ST6GALNAC5: variants seen among roughly 807,000 people sequenced by gnomAD.
ST6GALNAC5 encodes the protein alpha-N-acetylgalactosaminide alpha-2,6-sialyltransferase 5.
Under a neutral mutation model 33.6 loss-of-function variants are expected in ST6GALNAC5, and 27 were observed. The ratio of observed to expected loss-of-function variants is 0.80; its 90% CI spans 0.59 to 1.11. The LOEUF (loss-of-function observed/expected upper bound fraction) is 1.11, where lower values mean the gene tolerates loss of function less well. ST6GALNAC5 is among the 50% of genes least tolerant of loss of function. The pLI, the probability that ST6GALNAC5 is intolerant of heterozygous loss-of-function variation, is 0.00. For synonymous variants in ST6GALNAC5, 194 were observed against 171.2 expected, an observed-to-expected ratio of 1.13 and a Z score of -1.04; for missense variants, 428 against 454.0, an observed-to-expected ratio of 0.94 and a Z score of 0.52.
intron 2 of ST6GALNAC5, among the ~76,000 whole-genome samples, chr1:77,020,995 G>T (rs540494910): frequency 1.3e-4 from 20 of 152,302 alleles, no homozygotes; most frequent in Non-Finnish European, 2.6e-4. Context: ...CCAGGCAGAA[G>T]CCACATCACC....
At chr1:76,961,041 C>T (rs1169741528) in intron 2 of ST6GALNAC5, among the ~76,000 whole-genome samples, 1 of 152,102 alleles carries the variant, frequency 6.6e-6, no homozygotes, top group Non-Finnish European at 1.5e-5. Flanking sequence ...GATAAGTGTC[C>T]ATGAAATCTT....
intron 2 of ST6GALNAC5, among the ~76,000 whole-genome samples, chr1:77,028,331 G>C (rs1423951832): frequency 6.6e-6 from 1 of 152,128 alleles, no homozygotes; most frequent in Non-Finnish European, 1.5e-5. Context: ...TCAAAGGATG[G>C]AAAATCTCAC....
Position 76,868,544 on chromosome 1 carries a change from C to T in ST6GALNAC5, c.63C>T (p.Ser21=), listed in dbSNP as rs757156315. 3 of 1,613,282 alleles carry T rather than the reference C, an allele frequency of 1.9e-6. No homozygotes were observed. In the East Asian group the frequency reaches 6.7e-5, roughly 36 times the overall value. ...TAGCGCTCACCACCATGTGCACCAG[C>T]TTGTTGCTAGTGTACAGCAGCCTCG... ...VCLALTTMCT[S]LLLVYSSLGG... is the part of the protein sequence containing the mutation. The change falls in exon 2 of 5, where the codon AGC becomes AGT. Residue 21 remains serine, a synonymous_variant. Coordinates refer to ENST00000477717, the MANE Select transcript of ST6GALNAC5 (RefSeq NM_030965.3). The surrounding 1 kb of genome is among the most constrained non-coding windows in gnomAD (Gnocchi z 4.3).
At chr1:76,973,412 C>T (rs1325877418) in intron 2 of ST6GALNAC5, among the ~76,000 whole-genome samples, 1 of 62,396 alleles carries the variant, frequency 1.6e-5, no homozygotes, top group Non-Finnish European at 3.2e-5. Context: ...AGGAAGCAGT[C>T]AGGTTTATTA....
intron 2 of ST6GALNAC5, among the ~76,000 whole-genome samples, chr1:76,990,762 G>C (rs543869067): frequency 1.3e-5 from 2 of 152,306 alleles, no homozygotes; most frequent in East Asian, 3.9e-4. Context: ...CAAACTGGGT[G>C]ATTTGAGAAT....
At chr1:76,974,244 G>A (rs995115740) in intron 2 of ST6GALNAC5, among the ~76,000 whole-genome samples, 3 of 131,322 alleles carry the variant, frequency 2.3e-5, no homozygotes, top group East Asian at 4.3e-4. Flanking sequence ...ATAAGGCCTC[G>A]CTCTGTCTCC....
At chr1:76,992,694 C>G (rs757059072) in intron 2 of ST6GALNAC5, among the ~76,000 whole-genome samples, 1 of 152,060 alleles carries the variant, frequency 6.6e-6, no homozygotes. Flanking sequence ...TGAATTTTCA[C>G]CATGTTGCCA....
At chr1:77,017,530 G>A (rs1447761993) in intron 2 of ST6GALNAC5, among the ~76,000 whole-genome samples, 1 of 152,294 alleles carries the variant, frequency 6.6e-6, no homozygotes, top group South Asian at 2.1e-4. Flanking sequence ...TCACAAGCAA[G>A]AGGGACCCAG....
chr1:76,977,738 A>G (rs1023939595), intron 2 of ST6GALNAC5, among the ~76,000 whole-genome samples: 1 of 152,200 alleles, frequency 6.6e-6, no homozygotes, highest in Admixed American at 6.6e-5. Flanking sequence ...ATAGGCATTT[A>G]GATTGATTCT....
intron 2 of ST6GALNAC5, among the ~76,000 whole-genome samples, chr1:76,948,589 G>GAGAA (rs1647618528): frequency 1.2e-5 from 1 of 84,756 alleles, no homozygotes; most frequent in Non-Finnish European, 2.3e-5. Flanking sequence ...AGTGGGGACA[G>GAGAA]AGAGAGAGAG....
At chr1:76,877,020 T>C (rs1357473468) in intron 2 of ST6GALNAC5, among the ~76,000 whole-genome samples, 1 of 152,190 alleles carries the variant, frequency 6.6e-6, no homozygotes, top group African/African-American at 2.4e-5. Flanking sequence ...CATTTGATGA[T>C]GGGATGTTGC....
intron 2 of ST6GALNAC5, among the ~76,000 whole-genome samples, chr1:76,958,986 C>T (rs1458079599): frequency 6.6e-6 from 1 of 152,168 alleles, no homozygotes; most frequent in African/African-American, 2.4e-5. Context: ...ACTTGCTAGG[C>T]CTCACTGCCT....
chr1:76,966,300 C>G (rs1480811360), intron 2 of ST6GALNAC5, among the ~76,000 whole-genome samples: 1 of 152,114 alleles, frequency 6.6e-6, no homozygotes, highest in Non-Finnish European at 1.5e-5. Flanking sequence ...TGTAGTTCTC[C>G]TTGAAGAGGT....
At chr1:77,047,556 C>T (rs567374035) in intron 3 of ST6GALNAC5, among the ~76,000 whole-genome samples, 3 of 152,230 alleles carry the variant, frequency 2.0e-5, no homozygotes, top group Non-Finnish European at 2.9e-5. Context: ...AAAAAAGTGG[C>T]TCAGGAACAA....
At chr1:77,008,388 G>A (rs1424835214) in intron 2 of ST6GALNAC5, among the ~76,000 whole-genome samples, 1 of 152,162 alleles carries the variant, frequency 6.6e-6, no homozygotes, top group African/African-American at 2.4e-5. Flanking sequence ...TAACCTCTCT[G>A]AGTCTCAGTT....
chr1:76,998,807 C>T (rs561590648), intron 2 of ST6GALNAC5, among the ~76,000 whole-genome samples: 5 of 152,160 alleles, frequency 3.3e-5, no homozygotes, highest in Middle Eastern at 3.4e-3. Context: ...AATTATAGAC[C>T]GCAGAATGTG....
At chr1:76,993,202 G>A (rs1481524103) in intron 2 of ST6GALNAC5, among the ~76,000 whole-genome samples, 3 of 152,146 alleles carry the variant, frequency 2.0e-5, no homozygotes, top group Non-Finnish European at 2.9e-5. Flanking sequence ...AGCATTAGCT[G>A]CTCCTTCCTC....
At chr1:76,958,664 T>C (rs1648104275) in intron 2 of ST6GALNAC5, among the ~76,000 whole-genome samples, 1 of 152,078 alleles carries the variant, frequency 6.6e-6, no homozygotes, top group South Asian at 2.1e-4. Flanking sequence ...GGGATGGGGG[T>C]GGTAGTGTGC....
intron 2 of ST6GALNAC5, among the ~76,000 whole-genome samples, chr1:77,013,950 C>A (rs1650733542): frequency 6.6e-6 from 1 of 152,146 alleles, no homozygotes; most frequent in African/African-American, 2.4e-5. Context: ...AATTGTAAAG[C>A]CAAATTGTGG....
Sources: gnomAD v4.1 joint callset for allele counts (sites outside exome capture counted in the v4.1 genomes callset) on GRCh38, gnomAD v4.1.1 for gene constraint, Gnocchi (gnomAD v3.1) non-coding constraint, MANE v1.5 for transcripts, NCBI Gene and HGNC (gene_info 2026-07-23, HGNC 2026-07-21) for gene names.